ADAM2: variants seen among roughly 807,000 people sequenced by gnomAD.
ADAM2 encodes the protein ADAM metallopeptidase domain 2, also known as disintegrin and metalloproteinase domain-containing protein 2.
ADAM2 carries 101 observed loss-of-function variants against 99.3 expected under a neutral mutation model. That is an observed-to-expected ratio of 1.02 (90% confidence interval 0.87 to 1.20). ADAM2 has a LOEUF of 1.20. Ranked by LOEUF, ADAM2 falls within the 50% of genes most tolerant of loss-of-function variation. The pLI, the probability that ADAM2 is intolerant of heterozygous loss-of-function variation, is 0.00. For synonymous variants in ADAM2, 323 were observed against 287.6 expected, an observed-to-expected ratio of 1.12 and a Z score of -1.25; for missense variants, 948 against 878.7, an observed-to-expected ratio of 1.08 and a Z score of -1.00.
Position 39,777,205 on chromosome 8 carries a change from G to A in ADAM2, c.892-44C>T, listed in dbSNP as rs768604917. 1.1e-5 allele frequency: 16 copies of A among 1,506,746 alleles called. No homozygotes were observed. The South Asian group carries it at 1.7e-4, about 16-fold the overall frequency. The allele number at this position is 1,506,746 out of a possible 1,614,324, so 93.3% of individuals were successfully genotyped here. ...TGTACACGTTTTGGGAGATTATTTT[G>A]TTTACTGGGAGAACAATGCAATTAT... On this transcript the variant is annotated intron_variant, in intron 10 of 20. Coordinates refer to ENST00000265708, the MANE Select transcript of ADAM2 (RefSeq NM_001464.5).
At chr8:39,822,310 C>T (rs558535981) in intron 4 of ADAM2, among the ~76,000 whole-genome samples, 2 of 152,078 alleles carry the variant, frequency 1.3e-5, no homozygotes, top group South Asian at 4.1e-4. Flanking sequence ...AGATTGATAA[C>T]ATTTCTAATT....
chr8:39,794,285 G>T (rs1803844257), intron 7 of ADAM2, among the ~76,000 whole-genome samples: 1 of 152,076 alleles, frequency 6.6e-6, no homozygotes, highest in South Asian at 2.1e-4. Context: ...CTAGTTAATT[G>T]ACTTGAAGAA....
chr8:39,752,109 T>C (rs151305136), intron 16 of ADAM2, among the ~76,000 whole-genome samples: 2,279 of 152,178 alleles, frequency 0.015, 21 homozygotes, highest in Non-Finnish European at 0.025. Context: ...GTTCAGAAAA[T>C]GTGAAACAGT....
At chr8:39,832,612 A>ATTTGATATTTGATATTTG in intron 3 of ADAM2, among the ~76,000 whole-genome samples, 2 of 152,306 alleles carry the variant, frequency 1.3e-5, no homozygotes, top group African/African-American at 4.8e-5. Context: ...GATATTTTAC[A>ATTTGATATTTGATATTTG]ATAACGTTTT....
chr8:39,786,127 A>G (rs531933556), intron 10 of ADAM2, among the ~76,000 whole-genome samples: 12 of 152,128 alleles, frequency 7.9e-5, no homozygotes, highest in Non-Finnish European at 1.2e-4. Context: ...AGACATTAAG[A>G]TGGTAACACT....
At chr8:39,763,540 T>A (rs552768760) in intron 14 of ADAM2, among the ~76,000 whole-genome samples, 3 of 152,342 alleles carry the variant, frequency 2.0e-5, no homozygotes, top group Admixed American at 1.3e-4. Flanking sequence ...TGTACTGGCA[T>A]GTACAGCAAT....
chr8:39,756,327 C>T (rs1189256600), intron 15 of ADAM2, among the ~76,000 whole-genome samples: 2 of 152,178 alleles, frequency 1.3e-5, no homozygotes, highest in East Asian at 1.9e-4. Context: ...TTCAAGGTCA[C>T]TCATATTAAT....
intron 3 of ADAM2, among the ~76,000 whole-genome samples, chr8:39,826,820 C>A (rs1193486549): frequency 2.6e-5 from 4 of 151,828 alleles, no homozygotes; most frequent in Middle Eastern, 3.4e-3. Context: ...AAATGCTTGA[C>A]ATTGGTCTGG....
chr8:39,757,226 C>T (rs1439785194), intron 15 of ADAM2, among the ~76,000 whole-genome samples: 2 of 151,694 alleles, frequency 1.3e-5, no homozygotes, highest in Non-Finnish European at 2.9e-5. Context: ...ACCCAACTTG[C>T]TCAACTACGG....
At position 39,746,484 on chromosome 8, in the gene ADAM2, T is replaced by C. The variant is rs748442093; in HGVS notation, c.2162A>G (p.Tyr721Cys). ...GAAATCAATATACTCATCGCTTGAA[T>C]AGTCCTCAGTTCTCCATTTTTTCCT... is the stretch of plus-strand genomic sequence containing the variant. ...FQRKKWRTED[Y>C]SSDEQPESES... Residue 721 changes from tyrosine (Y) to cysteine (C), a missense_variant, in exon 19 of 21, where the codon TAT becomes TGT. By Grantham distance (194) the Tyr-to-Cys change is radical (BLOSUM62 -2). Coordinates refer to ENST00000265708, the MANE Select transcript of ADAM2 (RefSeq NM_001464.5). The C allele has an allele frequency of 3.2e-6, 5 of 1,577,500 alleles. No individual in the cohort carries two copies. Among genetic ancestry groups the C allele is most frequent in the East Asian group, 4.6e-5 (2 of 43,742 alleles).
chr8:39,771,686 G>T (rs537494753), intron 11 of ADAM2, among the ~76,000 whole-genome samples: 1 of 152,038 alleles, frequency 6.6e-6, no homozygotes, highest in Non-Finnish European at 1.5e-5. Flanking sequence ...AACAGTGTTG[G>T]TATGACTTTT....
intron 6 of ADAM2, among the ~76,000 whole-genome samples, chr8:39,811,360 T>A (rs1804688034): frequency 6.6e-6 from 1 of 152,216 alleles, no homozygotes; most frequent in Non-Finnish European, 1.5e-5. Context: ...AAAGAGGAGC[T>A]GGTACCATTC....
intron 7 of ADAM2, among the ~76,000 whole-genome samples, chr8:39,794,073 G>C (rs1427307670): frequency 6.6e-6 from 1 of 152,132 alleles, no homozygotes; most frequent in Admixed American, 6.6e-5. Flanking sequence ...ATCCAGATTT[G>C]CATGTGTTTT....
At chr8:39,761,402 T>G in intron 14 of ADAM2, 121 bp from the exon 15 acceptor site, 1 of 496,880 alleles carries the variant, frequency 2.0e-6, no homozygotes, top group Non-Finnish European at 3.4e-6. Context: ...GATCATACTA[T>G]AACATTCAAA....
rs1802124294 is a variant in ADAM2, at chr8:39,755,767, C to A, written c.1758G>T (p.Lys586Asn). Residue 586 changes from lysine (K) to asparagine (N), a missense_variant, in exon 16 of 21, where the codon AAG becomes AAT. By Grantham distance (94) the Lys-to-Asn change is moderately conservative. Coordinates refer to ENST00000265708, the MANE Select transcript of ADAM2 (RefSeq NM_001464.5). ...AAGAAGTTCCATCTTTTATCCACAT[C>A]TTTTGGCTGTCTGCATGATCACTGG... ...EFASDHADSQKMWIKDGTSCG... is the reference protein window; with the variant it reads ...EFASDHADSQNMWIKDGTSCG... 1.9e-6 allele frequency: 3 copies of A among 1,613,654 alleles called. No homozygotes were observed. Among genetic ancestry groups the A allele is most frequent in the Non-Finnish European group, 2.5e-6 (3 of 1,179,832 alleles).
chr8:39,798,478 A>G (rs1215560186), intron 7 of ADAM2, among the ~76,000 whole-genome samples: 1 of 152,206 alleles, frequency 6.6e-6, no homozygotes, highest in Non-Finnish European at 1.5e-5. Flanking sequence ...GATGTTCATC[A>G]GGGATATTGG....
chr8:39,791,924 C>T (rs1431481006), intron 7 of ADAM2, among the ~76,000 whole-genome samples: 1 of 152,010 alleles, frequency 6.6e-6, no homozygotes, highest in Non-Finnish European at 1.5e-5. Context: ...AAAGTGTCTG[C>T]CACCTAAAAC....
chr8:39,792,963 A>T (rs986092876), intron 7 of ADAM2, among the ~76,000 whole-genome samples: 3 of 152,074 alleles, frequency 2.0e-5, no homozygotes, highest in African/African-American at 4.8e-5. Flanking sequence ...TTATGGCACA[A>T]TGACTAACTC....
chr8:39,794,822 C>A (rs1048724378), intron 7 of ADAM2, among the ~76,000 whole-genome samples: 2 of 152,042 alleles, frequency 1.3e-5, no homozygotes, highest in African/African-American at 2.4e-5. Flanking sequence ...CTTGCCAATG[C>A]TCCTGGCTGA....
Sources: gnomAD v4.1 joint callset for allele counts (sites outside exome capture counted in the v4.1 genomes callset) on GRCh38, gnomAD v4.1.1 for gene constraint, MANE v1.5 for transcripts, NCBI Gene and HGNC (gene_info 2026-07-23, HGNC 2026-07-21) for gene names.